The following VTI1A variants were observed in gnomAD, a reference collection of about 807,000 sequenced individuals.
VTI1A encodes the protein vesicle transport through interaction with t-SNAREs homolog 1A.
VTI1A carries 22 observed loss-of-function variants against 34.9 expected under a neutral mutation model. The ratio of observed to expected loss-of-function variants is 0.63; its 90% CI spans 0.45 to 0.90. The LOEUF is 0.90. Among genes scored for constraint, VTI1A ranks in the 40% least tolerant of loss-of-function variants. The pLI is 0.00. For missense variants in VTI1A, 268 were observed against 275.6 expected, an observed-to-expected ratio of 0.97 and a Z score of 0.20; for synonymous variants, 87 against 97.3, an observed-to-expected ratio of 0.89 and a Z score of 0.62.
downstream of VTI1A, among the ~76,000 whole-genome samples, chr10:112,819,363 G>C (rs1367761701): frequency 6.6e-6 from 1 of 152,130 alleles, no homozygotes; most frequent in Non-Finnish European, 1.5e-5. Flanking sequence ...AAGTTCTGTT[G>C]GTTGGTTGTG....
At chr10:112,815,139 G>GCA (rs71489986) in intron 7 of VTI1A, 151 bp from the exon 8 acceptor site, 7,888 of 180,144 alleles carry the variant, frequency 0.044, 111 homozygotes, top group East Asian at 0.075. Context: ...TTTCGCGCGC[G>GCA]CACACACACA....
intron 4 of VTI1A, among the ~76,000 whole-genome samples, chr10:112,534,032 GA>G (rs1850538694): frequency 6.6e-6 from 1 of 152,022 alleles, no homozygotes; most frequent in Admixed American, 6.6e-5. Flanking sequence ...TCCTTTTGGG[GA>G]AACACACATA....
At chr10:112,763,207 G>A (rs750335244) in intron 7 of VTI1A, among the ~76,000 whole-genome samples, 1 of 152,042 alleles carries the variant, frequency 6.6e-6, no homozygotes, top group Non-Finnish European at 1.5e-5. Flanking sequence ...TTGGGAGGTC[G>A]AGGCGGGCGG....
chr10:112,699,030 T>C (rs1180218278), intron 7 of VTI1A, among the ~76,000 whole-genome samples: 2 of 152,188 alleles, frequency 1.3e-5, no homozygotes, highest in Non-Finnish European at 2.9e-5. Context: ...TCACAAAGTA[T>C]TATTTTCCAC....
intron 5 of VTI1A, among the ~76,000 whole-genome samples, chr10:112,617,788 A>G (rs528966522): frequency 1.1e-4 from 16 of 152,330 alleles, no homozygotes; most frequent in Admixed American, 9.8e-4. Context: ...TTAAAAGCCA[A>G]AAAAAGGAAA....
chr10:112,791,713 T>A (rs1055195090), intron 7 of VTI1A, among the ~76,000 whole-genome samples: 5 of 152,206 alleles, frequency 3.3e-5, no homozygotes, highest in African/African-American at 1.2e-4. Flanking sequence ...GCAGCCTCCT[T>A]TTTTCTTCCC....
chr10:112,584,473 G>T (rs1315218115), intron 5 of VTI1A, among the ~76,000 whole-genome samples: 1 of 152,152 alleles, frequency 6.6e-6, no homozygotes, highest in East Asian at 1.9e-4. Flanking sequence ...ATATATTGTG[G>T]GTTCACTTCT....
At chr10:112,658,798 A>G (rs1435388515) in intron 5 of VTI1A, among the ~76,000 whole-genome samples, 10 of 152,206 alleles carry the variant, frequency 6.6e-5, no homozygotes, top group African/African-American at 1.9e-4. Context: ...GTTGCCAGAT[A>G]TTCCAAATTT....
At chr10:112,487,775 T>C (rs1223696892) in intron 3 of VTI1A, among the ~76,000 whole-genome samples, 2 of 152,192 alleles carry the variant, frequency 1.3e-5, no homozygotes, top group African/African-American at 4.8e-5. Context: ...TCTTTTATAA[T>C]ATATTTACCT....
chr10:112,851,011 G>A, the VTI1A span, among the ~76,000 whole-genome samples: 1 of 152,184 alleles, frequency 6.6e-6, no homozygotes, highest in Non-Finnish European at 1.5e-5. Context: ...TGAGACTGAA[G>A]CTCCTCCCAA....
At chr10:112,552,831 C>G (rs957033449) in intron 5 of VTI1A, among the ~76,000 whole-genome samples, 1 of 152,214 alleles carries the variant, frequency 6.6e-6, no homozygotes, top group Non-Finnish European at 1.5e-5. Context: ...GTTGTGAGAA[C>G]AAGTACGTCT....
intron 5 of VTI1A, among the ~76,000 whole-genome samples, chr10:112,629,217 C>G (rs1434424069): frequency 6.6e-6 from 1 of 152,270 alleles, no homozygotes; most frequent in Non-Finnish European, 1.5e-5. Context: ...CTCAGGATAG[C>G]ACTCTGGAGC....
intron 5 of VTI1A, among the ~76,000 whole-genome samples, chr10:112,623,567 A>C (rs1324506291): frequency 6.6e-6 from 1 of 151,910 alleles, no homozygotes; most frequent in Non-Finnish European, 1.5e-5. Context: ...AAACAGCTAC[A>C]GGGTTGGCTA....
At chr10:112,499,530 A>G (rs956425810) in intron 3 of VTI1A, among the ~76,000 whole-genome samples, 4 of 152,166 alleles carry the variant, frequency 2.6e-5, no homozygotes, top group African/African-American at 9.7e-5. Flanking sequence ...TCTAGCCTAG[A>G]CTTTCACATT....
intron 4 of VTI1A, among the ~76,000 whole-genome samples, chr10:112,528,716 C>T (rs1167190614): frequency 3.3e-5 from 5 of 152,084 alleles, no homozygotes; most frequent in Non-Finnish European, 7.4e-5. Context: ...AAAGTGAATG[C>T]GTAGTTCCCA....
At chr10:112,594,543 G>A (rs2134445687) in intron 5 of VTI1A, among the ~76,000 whole-genome samples, 1 of 152,132 alleles carries the variant, frequency 6.6e-6, no homozygotes, top group East Asian at 1.9e-4. Flanking sequence ...CAAATCATGA[G>A]TGAACTCCCA....
rs1564883856 is a variant in VTI1A at position 112,687,218 on chromosome 10, A to ATTTTT, written c.560+18220_560+18221insTTTTT. On this transcript the variant is annotated intron_variant, in intron 7 of 7. Transcript: ENST00000393077. ...ACAAAACAGGCCTAGGCATACTACA[A>ATTTTT]CTTTTTTTTTTTTTTTTTTTTTTTT... Among the ~76,000 whole-genome samples the ATTTTT allele has an allele frequency of 3.0e-4, 37 of 124,228 alleles. 2 individuals carry two copies. Among genetic ancestry groups the ATTTTT allele is most frequent in the African/African-American group, 1.1e-3 (35 of 31,994 alleles). 81.5% of individuals were successfully genotyped at this position (124,228 alleles called of 152,430 possible).
chr10:112,628,862 G>A (rs551862360), intron 5 of VTI1A, among the ~76,000 whole-genome samples: 94 of 151,792 alleles, frequency 6.2e-4, no homozygotes, highest in African/African-American at 2.0e-3. Context: ...GTATATCCTC[G>A]CAGTGTTTTT....
At chr10:112,830,850 T>TATATATATATATATATATATATATA in the VTI1A span, among the ~76,000 whole-genome samples, 22 of 29,790 alleles carry the variant, frequency 7.4e-4, no homozygotes, top group Non-Finnish European at 1.0e-3. Context: ...TATATATATA[T>TATATATATATATATATATATATATA]TTTTTTTTTT....
Sources: gnomAD v4.1 joint callset for allele counts (sites outside exome capture counted in the v4.1 genomes callset) on GRCh38, gnomAD v4.1.1 for gene constraint, MANE v1.5 for transcripts, NCBI Gene and HGNC (gene_info 2026-07-23, HGNC 2026-07-21) for gene names.